The following IRS1 variants were observed in gnomAD, a reference collection of about 807,000 sequenced individuals.
IRS1 encodes the protein insulin receptor substrate 1.
IRS1 carries 34 observed loss-of-function variants against 65.6 expected under a neutral mutation model. That is an observed-to-expected ratio of 0.52 (90% CI 0.39 to 0.69). The LOEUF (loss-of-function observed/expected upper bound fraction) is 0.69. Among genes scored for constraint, IRS1 ranks in the 30% least tolerant of loss-of-function variants. IRS1 has a pLI of 0.00. For missense variants in IRS1, 1,641 were observed against 1,720.2 expected (o/e 0.95, Z 0.81); for synonymous variants, 699 against 683.5 (o/e 1.02, Z -0.35).
At chr2:226,766,519 G>T (rs908024886) in intron 1 of IRS1, among the ~76,000 whole-genome samples, 11 of 151,856 alleles carry the variant, frequency 7.2e-5, no homozygotes, top group Admixed American at 5.2e-4. Flanking sequence ...CATTATCTTT[G>T]ATTTGTTTCT....
intron 1 of IRS1, among the ~76,000 whole-genome samples, chr2:226,740,630 A>G (rs973900409): frequency 6.6e-6 from 1 of 152,354 alleles, no homozygotes; most frequent in African/African-American, 2.4e-5. Context: ...CAATTGACAA[A>G]TGTTTTCATC....
At chr2:226,751,272 G>GTTTTTTT (rs1559148793) in intron 1 of IRS1, among the ~76,000 whole-genome samples, 23 of 120,678 alleles carry the variant, frequency 1.9e-4, no homozygotes, top group Admixed American at 5.3e-4. Flanking sequence ...CTCCACACGG[G>GTTTTTTT]TATTTTTTTT....
At chr2:226,753,000 T>G (rs1938714283) in intron 1 of IRS1, among the ~76,000 whole-genome samples, 1 of 152,198 alleles carries the variant, frequency 6.6e-6, no homozygotes, top group South Asian at 2.1e-4. Context: ...AACTAACAAA[T>G]TACAGGACCA....
chr2:226,755,730 A>G (rs1035239418), intron 1 of IRS1, among the ~76,000 whole-genome samples: 1 of 152,266 alleles, frequency 6.6e-6, no homozygotes, highest in Middle Eastern at 3.4e-3. Context: ...TTCTCTTTCA[A>G]TTAGTGCCAC....
chr2:226,787,072 C>G (rs1022450724), intron 1 of IRS1, among the ~76,000 whole-genome samples: 1 of 152,172 alleles, frequency 6.6e-6, no homozygotes, highest in African/African-American at 2.4e-5. Flanking sequence ...CACTTTCCCC[C>G]CAGGTTTCCT....
rs571737861 is a variant in IRS1, at chr2:226,788,769, T to C, written c.*21+6220A>G. Among the ~76,000 whole-genome samples the C allele has an allele frequency of 3.3e-5, 5 of 152,312 alleles. No homozygotes were observed. The East Asian group carries it at 5.8e-4, about 18-fold the overall frequency. The stretch of plus-strand genomic sequence containing the variant: ...AAATTAGTATGCAATTATTATATCA[T>C]ACTAACGTTAAAATGTAATTTTAAG... On this transcript the variant is annotated intron_variant, in intron 1 of 1. Transcript: ENST00000305123.
At chr2:226,782,411 T>G (rs1046094102) in intron 1 of IRS1, among the ~76,000 whole-genome samples, 5 of 152,202 alleles carry the variant, frequency 3.3e-5, no homozygotes, top group Admixed American at 1.3e-4. Context: ...TGCATTTGCT[T>G]TCCAATAATC....
chr2:226,792,685 C>T (rs1397917826), intron 1 of IRS1, among the ~76,000 whole-genome samples: 1 of 152,202 alleles, frequency 6.6e-6, no homozygotes, highest in Non-Finnish European at 1.5e-5. Flanking sequence ...ATTCCTTTCA[C>T]CGAGTCTCAG....
intron 1 of IRS1, among the ~76,000 whole-genome samples, chr2:226,750,794 C>T (rs1210465229): frequency 6.6e-6 from 1 of 152,146 alleles, no homozygotes; most frequent in Non-Finnish European, 1.5e-5. Context: ...TAAAGTGGCA[C>T]TTCTCTAACT....
At chr2:226,756,545 A>T (rs960737443) in intron 1 of IRS1, among the ~76,000 whole-genome samples, 1 of 152,250 alleles carries the variant, frequency 6.6e-6, no homozygotes, top group Non-Finnish European at 1.5e-5. Flanking sequence ...TTTAAATCAG[A>T]TGACTTATTG....
At chr2:226,791,032 C>G (rs1049893229) in intron 1 of IRS1, among the ~76,000 whole-genome samples, 5 of 152,198 alleles carry the variant, frequency 3.3e-5, no homozygotes, top group African/African-American at 9.6e-5. Flanking sequence ...GATCTGCAAG[C>G]TGCAGTCCCG....
At chr2:226,765,518 A>T (rs899876650) in intron 1 of IRS1, among the ~76,000 whole-genome samples, 28 of 152,200 alleles carry the variant, frequency 1.8e-4, no homozygotes, top group African/African-American at 5.8e-4. Context: ...TTTCCTACAA[A>T]GTTGACTAAT....
chr2:226,753,484 C>T (rs961131601), intron 1 of IRS1, among the ~76,000 whole-genome samples: 4 of 152,106 alleles, frequency 2.6e-5, no homozygotes, highest in South Asian at 2.1e-4. Flanking sequence ...TTTCTGAGAC[C>T]GTGAATAAAC....
intron 1 of IRS1, among the ~76,000 whole-genome samples, chr2:226,752,454 G>T (rs920771879): frequency 7.2e-5 from 11 of 152,176 alleles, no homozygotes; most frequent in African/African-American, 2.7e-4. Context: ...TTTTATGGCA[G>T]TCAACAGGCC....
At position 226,797,661 on chromosome 2, in the gene IRS1, G is replaced by T. The variant is rs775194779; in HGVS notation, c.1078C>A (p.Arg360=). ...GGGGGGTGCAGCCGGGCGCTGCCCC[G>T]ATGCCGGTGGGCGTGGGTTCTGTTG... ...STNRTHAHRH[R]GSARLHPPLN... Residue 360 remains arginine (R), a synonymous_variant, in exon 1 of 2, where the codon CGG becomes AGG. Coordinates refer to ENST00000305123, the MANE Select transcript of IRS1 (RefSeq NM_005544.3). The surrounding 1 kb of genome is among the most constrained non-coding windows in gnomAD (Gnocchi z 8.1). The T allele has an allele frequency of 1.3e-6, 2 of 1,594,574 alleles. No homozygotes were observed. Among genetic ancestry groups the T allele is most frequent in the East Asian group, 4.5e-5 (2 of 44,800 alleles).
chr2:226,796,319 G>A lies in IRS1; in HGVS notation c.2420C>T (p.Ser807Phe), dbSNP rs1939723458. ...RLLYAATADD[S>F]SSSTSSDSLG... is the part of the protein sequence containing the mutation. Reference sequence around the variant, plus strand: ...GCTGTCGCTGCTGGTGGAAGAGGAAGAATCATCTGCTGTTGCAGCATAGAG... The same window carrying A: ...GCTGTCGCTGCTGGTGGAAGAGGAAAAATCATCTGCTGTTGCAGCATAGAG... Residue 807 changes from serine (S) to phenylalanine (F), a missense_variant, in exon 1 of 2, where the codon TCT becomes TTT. Coordinates refer to ENST00000305123, the MANE Select transcript of IRS1 (RefSeq NM_005544.3). 2 of 1,613,440 alleles carry A rather than the reference G, an allele frequency of 1.2e-6. No homozygotes were observed. Among genetic ancestry groups the A allele is most frequent in the African/African-American group, 1.3e-5 (1 of 75,078 alleles).
intron 1 of IRS1, among the ~76,000 whole-genome samples, chr2:226,752,549 A>G (rs1366600676): frequency 1.3e-5 from 2 of 152,234 alleles, no homozygotes; most frequent in African/African-American, 4.8e-5. Flanking sequence ...GTCTGCAAGC[A>G]TAGGCTACTA....
intron 1 of IRS1, among the ~76,000 whole-genome samples, chr2:226,764,755 C>T (rs1165482547): frequency 1.3e-5 from 2 of 152,200 alleles, no homozygotes; most frequent in East Asian, 3.9e-4. Flanking sequence ...TCGCGCAATT[C>T]ACCTCTTGGG....
Position 226,795,891 on chromosome 2 carries a change from G to A in IRS1, c.2848C>T (p.Arg950Trp), listed in dbSNP as rs145736083. ...EYMKMDLGPG[R>W]RAAWQESTGV... is the part of the protein sequence containing the mutation. ...GTGCTCTCCTGCCAGGCTGCCCTCC[G>A]GCCCGGCCCCAGGTCCATCTTCATG... The change falls in exon 1 of 2, where the codon CGG becomes TGG. Residue 950 changes from arginine (R) to tryptophan (W), a missense_variant. Physicochemically the swap from Arg to Trp is moderately radical, Grantham distance 101 (BLOSUM62 -3). Transcript: ENST00000305123. The A allele has an allele frequency of 1.4e-5, 22 of 1,613,648 alleles. No homozygotes were observed. The highest frequency in any genetic ancestry group is 4.0e-5 in the African/African-American group (3 of 74,916).
Sources: allele counts gnomAD v4.1 joint callset (sites outside exome capture counted in the v4.1 genomes callset), GRCh38; gene constraint gnomAD v4.1.1; non-coding constraint Gnocchi (gnomAD v3.1); transcripts MANE v1.5; gene names NCBI Gene and HGNC (gene_info 2026-07-23, HGNC 2026-07-21).